Variants in R3HDM2 observed in about 807,000 individuals in gnomAD.
R3HDM2 encodes the protein R3H domain containing 2.
A neutral mutation model predicts 124.5 loss-of-function variants in R3HDM2; 38 were observed. The observed-to-expected ratio is 0.31, with a 90% CI of 0.24 to 0.40. R3HDM2 has a LOEUF of 0.40. Ranked by LOEUF, R3HDM2 falls within the 10% of genes least tolerant of loss-of-function variation. The pLI is 1.00. For missense variants in R3HDM2, 869 were observed against 1,236.9 expected, an observed-to-expected ratio of 0.70 and a Z score of 4.46; for synonymous variants, 391 against 448.0, an observed-to-expected ratio of 0.87 and a Z score of 1.61.
At chr12:57,260,962 C>G (rs2040657896) in intron 19 of R3HDM2, among the ~76,000 whole-genome samples, 1 of 152,138 alleles carries the variant, frequency 6.6e-6, no homozygotes, top group Non-Finnish European at 1.5e-5. Flanking sequence ...TACCCCTGAC[C>G]CTCTAGGGTT....
intron 1 of R3HDM2, among the ~76,000 whole-genome samples, chr12:57,423,372 C>T (rs561842269): frequency 5.9e-5 from 9 of 151,780 alleles, no homozygotes; most frequent in Admixed American, 2.0e-4. Context: ...TGCAGTGAGT[C>T]GACATCATGC....
intron 14 of R3HDM2, among the ~76,000 whole-genome samples, chr12:57,275,223 A>G (rs2044401570): frequency 1.3e-5 from 2 of 152,190 alleles, no homozygotes; most frequent in African/African-American, 4.8e-5. Flanking sequence ...TGGGGAAAGG[A>G]CACCCTTTTC....
At chr12:57,362,151 T>G (rs889139810) in intron 2 of R3HDM2, among the ~76,000 whole-genome samples, 1 of 151,948 alleles carries the variant, frequency 6.6e-6, no homozygotes, top group Non-Finnish European at 1.5e-5. Context: ...GTCAAAACAG[T>G]CAAACATAAA....
At chr12:57,427,218 G>C (rs1402141022) in intron 1 of R3HDM2, among the ~76,000 whole-genome samples, 1 of 151,874 alleles carries the variant, frequency 6.6e-6, no homozygotes, top group Non-Finnish European at 1.5e-5. Context: ...TTGAACCCGG[G>C]AGGTGGAGGT....
chr12:57,311,818 T>G (rs1015283657), intron 2 of R3HDM2, among the ~76,000 whole-genome samples: 3 of 152,222 alleles, frequency 2.0e-5, no homozygotes, highest in African/African-American at 7.2e-5. Context: ...ATCTACTGTC[T>G]CCCAGTGATG....
intron 2 of R3HDM2, among the ~76,000 whole-genome samples, chr12:57,342,345 TC>T (rs2059651764): frequency 6.6e-6 from 1 of 151,490 alleles, no homozygotes; most frequent in Non-Finnish European, 1.5e-5. Flanking sequence ...ATGATACTGA[TC>T]CTTGCTGCTG....
chr12:57,269,630 A>C, intron 15 of R3HDM2, 122 bp downstream of exon 15: 1 of 1,492,726 alleles, frequency 6.7e-7, no homozygotes, highest in Non-Finnish European at 9.1e-7. Flanking sequence ...GGCTAGAACA[A>C]CTCTCAAGTG....
intron 2 of R3HDM2, among the ~76,000 whole-genome samples, chr12:57,319,826 C>T (rs1057256153): frequency 6.6e-6 from 1 of 152,178 alleles, no homozygotes; most frequent in Non-Finnish European, 1.5e-5. Context: ...CTGAGGCTCT[C>T]TTTTGCTTTC....
intron 2 of R3HDM2, among the ~76,000 whole-genome samples, chr12:57,379,177 T>C (rs948665679): frequency 4.6e-5 from 7 of 152,228 alleles, no homozygotes; most frequent in African/African-American, 1.7e-4. Flanking sequence ...ACATCATAAA[T>C]GTATTTAATA....
intron 21 of R3HDM2, among the ~76,000 whole-genome samples, chr12:57,256,823 T>TCTC (rs1555200782): frequency 1.3e-3 from 140 of 109,704 alleles, no homozygotes; most frequent in East Asian, 1.0e-3. Flanking sequence ...TTTATCTCTC[T>TCTC]TTTTTTTTTT....
intron 1 of R3HDM2, among the ~76,000 whole-genome samples, chr12:57,426,039 C>T (rs1284715209): frequency 1.3e-5 from 2 of 152,158 alleles, no homozygotes; most frequent in East Asian, 1.9e-4. Context: ...AGTGGCCTGG[C>T]CAACATGACA....
chr12:57,281,638 A>G (rs530489213), intron 13 of R3HDM2, among the ~76,000 whole-genome samples: 237 of 152,026 alleles, frequency 1.6e-3, no homozygotes, highest in Non-Finnish European at 2.9e-3. Context: ...GGCACCCACC[A>G]CCACGCCCAA....
intron 2 of R3HDM2, among the ~76,000 whole-genome samples, chr12:57,361,446 G>C (rs1029398495): frequency 6.7e-6 from 1 of 150,248 alleles, no homozygotes; most frequent in Admixed American, 6.7e-5. Flanking sequence ...TACACTTTGG[G>C]AAACTGAGGC....
rs117078451 is a variant in R3HDM2 at position 57,347,345 on chromosome 12, A to G, written c.-35-36882T>C. 2.1e-3 allele frequency among the ~76,000 whole-genome samples: 325 copies of G among 152,346 alleles called. 9 individuals carry two copies. In the East Asian group the frequency reaches 0.05, roughly 23 times the overall value. ...TGTGTGTATATGTGTGCATACATAC[A>G]TAGAGATCTAGAGAGATCTCTACAG... On this transcript the variant is annotated intron_variant, in intron 2 of 23. Transcript: ENST00000402412.
intron 11 of R3HDM2, among the ~76,000 whole-genome samples, chr12:57,291,458 A>G (rs1261420163): frequency 6.6e-6 from 1 of 151,878 alleles, no homozygotes; most frequent in Non-Finnish European, 1.5e-5. Context: ...GTTTGAGACC[A>G]GTCTGGGCAA....
chr12:57,348,575 T>G (rs1202004441), intron 2 of R3HDM2, among the ~76,000 whole-genome samples: 1 of 151,582 alleles, frequency 6.6e-6, no homozygotes, highest in African/African-American at 2.4e-5. Flanking sequence ...ACGCCTGTAA[T>G]CCCAGCTACT....
intron 2 of R3HDM2, among the ~76,000 whole-genome samples, chr12:57,327,912 A>T (rs1027810802): frequency 1.3e-5 from 2 of 152,224 alleles, no homozygotes; most frequent in African/African-American, 4.8e-5. Context: ...AGGATTTAGA[A>T]TATTACATAA....
In R3HDM2 at chr12:57,303,183, C is replaced by T; in HGVS notation, c.200G>A (p.Arg67Lys). The change falls in exon 4 of 24, where the codon AGA becomes AAA. Residue 67 changes from arginine to lysine, a missense_variant. Arg to Lys is a conservative substitution (Grantham distance 26). Around this residue, in one of 2 missense-constraint regions of R3HDM2, gnomAD observed 267 missense variants for 447.7 expected, o/e 0.60. Transcript: ENST00000402412. Reference sequence around the variant, plus strand: ...TAGAGGAAGGGCTCTCACCTTGGCTCTTTTCCTGGCATGACCATGGTTAGA... The same window carrying T: ...TAGAGGAAGGGCTCTCACCTTGGCTTTTTTCCTGGCATGACCATGGTTAGA... ...RTSNHGHARK[R>K]AKSNSKLKLV... The T allele has an allele frequency of 6.6e-7, 1 of 1,526,066 alleles. No individual in the cohort carries two copies. Among genetic ancestry groups the T allele is most frequent in the Non-Finnish European group, 8.9e-7 (1 of 1,123,774 alleles). The allele number at this position is 1,526,066 out of a possible 1,614,324, so 94.5% of individuals were successfully genotyped here.
chr12:57,294,206 C>T (rs568247403), intron 10 of R3HDM2, among the ~76,000 whole-genome samples: 2 of 152,226 alleles, frequency 1.3e-5, no homozygotes, highest in East Asian at 1.9e-4. Context: ...TTGTTATTAA[C>T]GTCACAGACA....
Sources: allele counts gnomAD v4.1 joint callset (sites outside exome capture counted in the v4.1 genomes callset), GRCh38; gene constraint gnomAD v4.1.1; regional missense constraint gnomAD v4.1.1; transcripts MANE v1.5; gene names NCBI Gene and HGNC (gene_info 2026-07-23, HGNC 2026-07-21).